ADARB1: variants seen among roughly 807,000 people sequenced by gnomAD.
The protein encoded by ADARB1 is double-stranded RNA-specific editase 1.
A neutral mutation model predicts 52.4 loss-of-function variants in ADARB1; 10 were observed. The ratio of observed to expected loss-of-function variants is 0.19; its 90% CI spans 0.12 to 0.32. The LOEUF is 0.32. Ranked by LOEUF, ADARB1 falls within the 10% of genes least tolerant of loss-of-function variation. ADARB1 has a pLI of 1.00. For synonymous variants in ADARB1, 349 were observed against 371.1 expected (o/e 0.94, Z 0.68); for missense variants, 643 against 922.3 (o/e 0.70, Z 3.92).
intron 1 of ADARB1, among the ~76,000 whole-genome samples, chr21:45,077,413 C>T (rs2085981755): frequency 6.6e-6 from 1 of 152,166 alleles, no homozygotes; most frequent in South Asian, 2.1e-4. Flanking sequence ...CGCCTGTAAT[C>T]CCAGCACTTT....
At chr21:45,131,177 ATG>A (rs2088909012) in intron 2 of ADARB1, among the ~76,000 whole-genome samples, 1 of 152,234 alleles carries the variant, frequency 6.6e-6, no homozygotes, top group African/African-American at 2.4e-5. Context: ...ATGCCACTGT[ATG>A]GACATTTAGG....
At position 45,220,903 on chromosome 21, in the gene ADARB1, C is replaced by T. The variant is rs200514838; in HGVS notation, c.1815C>T (p.Gly605=). The T allele has an allele frequency of 1.6e-5, 26 of 1,613,448 alleles. No homozygotes were observed. Among genetic ancestry groups the T allele is most frequent in the South Asian group, 5.5e-5 (5 of 91,090 alleles). Residue 605 remains glycine (G), a synonymous_variant, in exon 10 of 11, where the codon GGC becomes GGT. Coordinates refer to ENST00000348831, the MANE Select transcript of ADARB1 (RefSeq NM_001112.4). This position sits in a 1 kb window ranked among gnomAD's most constrained non-coding sequence, Gnocchi z 6.3. The part of the protein sequence containing the change: ...APNFSVNWTV[G]DSAIEVINAT... ...ACTTCAGTGTCAACTGGACGGTAGG[C>T]GACTCCGCTATTGAGGTCATCAACG...
chr21:45,180,341 C>G lies in ADARB1; in HGVS notation c.975C>G (p.Asp325Glu). ...TGCTTCCCACACAGGTTTTAGCTGA[C>G]GCTGTCTCACGCCTGGTCCTGGGTA... ...LQLHLPQVLA[D>E]AVSRLVLGKF... The change falls in exon 5 of 11, where the codon GAC becomes GAG. Residue 325 changes from aspartate (D) to glutamate (E), a missense_variant. Physicochemically the swap from Asp to Glu is conservative, Grantham distance 45 (BLOSUM62 2). This residue lies in a region of ADARB1 where 380 missense variants were observed against 446.5 expected (regional missense o/e 0.85). Coordinates refer to ENST00000348831, the MANE Select transcript of ADARB1 (RefSeq NM_001112.4). 1 of 1,613,858 alleles carries G rather than the reference C, an allele frequency of 6.2e-7. No homozygotes were observed. Among genetic ancestry groups the G allele is most frequent in the Non-Finnish European group, 8.5e-7 (1 of 1,179,832 alleles).
intron 2 of ADARB1, among the ~76,000 whole-genome samples, chr21:45,151,994 C>T (rs945894544): frequency 6.6e-6 from 1 of 152,140 alleles, no homozygotes; most frequent in Non-Finnish European, 1.5e-5. Context: ...GTCCGAGACA[C>T]GTGAGTTAAG....
rs939560254 is a variant in ADARB1, at chr21:45,156,670, C to G, written c.-47-14940C>G. On this transcript the variant is annotated intron_variant, in intron 2 of 10. Transcript: ENST00000348831. ...TGTCATCCATTCATCCATCCACCCC[C>G]CCACGCACCCACTTCTCTACATTGT... 2.6e-5 allele frequency among the ~76,000 whole-genome samples: 4 copies of G among 151,798 alleles called. No individual in the cohort carries two copies. In the East Asian group the frequency reaches 5.8e-4, roughly 22 times the overall value.
At chr21:45,081,582 C>T (rs917508401) in intron 1 of ADARB1, among the ~76,000 whole-genome samples, 1 of 152,264 alleles carries the variant, frequency 6.6e-6, no homozygotes, top group Non-Finnish European at 1.5e-5. Context: ...CTTCAACTTG[C>T]GATGGGTTCA....
intron 2 of ADARB1, among the ~76,000 whole-genome samples, chr21:45,163,250 G>C (rs1318109101): frequency 1.3e-5 from 2 of 152,218 alleles, no homozygotes; most frequent in East Asian, 3.8e-4. Context: ...GTCAAGTTTA[G>C]ATGTGTTTTG....
chr21:45,183,533 A>G, intron 7 of ADARB1, 23 bp downstream of exon 7: 3 of 1,608,876 alleles, frequency 1.9e-6, no homozygotes, highest in Non-Finnish European at 2.5e-6. Context: ...ATTCTTCAAC[A>G]AGCCAGTTTC....
At chr21:45,135,861 C>T (rs900789238) in intron 2 of ADARB1, among the ~76,000 whole-genome samples, 2 of 152,174 alleles carry the variant, frequency 1.3e-5, no homozygotes, top group African/African-American at 4.8e-5. Context: ...CTGTGCTGCC[C>T]CTCACCCTCC....
chr21:45,182,040 A>C (rs1197729419), intron 5 of ADARB1, among the ~76,000 whole-genome samples: 1 of 152,224 alleles, frequency 6.6e-6, no homozygotes, highest in East Asian at 1.9e-4. Flanking sequence ...AGACGGAGTG[A>C]TCTGTCTGTG....
intron 8 of ADARB1, among the ~76,000 whole-genome samples, chr21:45,190,555 A>G (rs2092253128): frequency 6.6e-6 from 1 of 152,160 alleles, no homozygotes; most frequent in Non-Finnish European, 1.5e-5. Flanking sequence ...TGGGCATTTG[A>G]AAAAAGAACC....
intron 2 of ADARB1, among the ~76,000 whole-genome samples, chr21:45,156,077 C>T (rs2090581178): frequency 2.2e-5 from 3 of 137,362 alleles, no homozygotes; most frequent in Non-Finnish European, 3.1e-5. Flanking sequence ...TCCATTCATC[C>T]ATCCATCTAC....
At position 45,092,188 on chromosome 21, in the gene ADARB1, G is replaced by C. The variant is rs1345444098; in HGVS notation, c.-220+17395G>C. On this transcript the variant is annotated intron_variant, in intron 1 of 10. Transcript: ENST00000348831. ...ACTTCGCTCCTGGGCCGTCGGTTCA[G>C]AAGGTGCAGCCTTGCCCGGAGCTGA... Among the ~76,000 whole-genome samples the C allele has an allele frequency of 2.0e-5, 3 of 152,128 alleles. No homozygotes were observed. In the East Asian group the frequency reaches 5.8e-4, roughly 29 times the overall value.
intron 2 of ADARB1, among the ~76,000 whole-genome samples, chr21:45,163,696 G>T (rs1177970635): frequency 2.0e-5 from 3 of 152,218 alleles, no homozygotes; most frequent in African/African-American, 7.2e-5. Flanking sequence ...GTGACCTCCT[G>T]GGGGCTGCTG....
chr21:45,144,148 A>G (rs1025605297), intron 2 of ADARB1, among the ~76,000 whole-genome samples: 4 of 152,218 alleles, frequency 2.6e-5, no homozygotes, highest in Non-Finnish European at 5.9e-5. Flanking sequence ...GTAATGTTAC[A>G]ATTTCCCATG....
At chr21:45,088,394 C>T (rs549169111) in intron 1 of ADARB1, among the ~76,000 whole-genome samples, 6 of 152,208 alleles carry the variant, frequency 3.9e-5, no homozygotes, top group Admixed American at 2.0e-4. Flanking sequence ...ATGGCCAAAG[C>T]GGGTCAATTT....
intron 8 of ADARB1, among the ~76,000 whole-genome samples, chr21:45,187,896 T>A (rs1052279761): frequency 6.6e-6 from 1 of 152,136 alleles, no homozygotes; most frequent in Non-Finnish European, 1.5e-5. Context: ...TTGAATTTGG[T>A]TTGTTGAGAA....
intron 9 of ADARB1, among the ~76,000 whole-genome samples, chr21:45,217,883 T>C (rs138587781): frequency 2.0e-5 from 3 of 152,354 alleles, no homozygotes; most frequent in African/African-American, 7.2e-5. Flanking sequence ...TTTAAAGACA[T>C]TGCTTCCCTG....
chr21:45,153,413 G>A (rs925237883), intron 2 of ADARB1, among the ~76,000 whole-genome samples: 8 of 151,730 alleles, frequency 5.3e-5, no homozygotes, highest in Non-Finnish European at 8.8e-5. Context: ...TGTCTAGCCC[G>A]GAGAACAGCT....
Sources: allele counts gnomAD v4.1 joint callset (sites outside exome capture counted in the v4.1 genomes callset), GRCh38; gene constraint gnomAD v4.1.1; regional missense constraint gnomAD v4.1.1; non-coding constraint Gnocchi (gnomAD v3.1); transcripts MANE v1.5; gene names NCBI Gene and HGNC (gene_info 2026-07-23, HGNC 2026-07-21).